SLC25A48: variants seen among roughly 807,000 people sequenced by gnomAD.
SLC25A48 encodes the protein solute carrier family 25 member 48.
SLC25A48 carries 29 observed loss-of-function variants against 32.2 expected under a neutral mutation model. That is an observed-to-expected ratio of 0.90 (90% CI 0.67 to 1.23). The LOEUF is 1.23. Ranked by LOEUF, SLC25A48 falls within the 50% of genes most tolerant of loss-of-function variation. The pLI is 0.00. For missense variants in SLC25A48, 399 were observed against 422.7 expected, an observed-to-expected ratio of 0.94 and a Z score of 0.49; for synonymous variants, 164 against 172.3, an observed-to-expected ratio of 0.95 and a Z score of 0.38.
intron 1 of SLC25A48, among the ~76,000 whole-genome samples, chr5:135,628,805 T>C (rs1156850337): frequency 6.6e-6 from 1 of 152,088 alleles, no homozygotes; most frequent in South Asian, 2.1e-4. Context: ...CTCCCTCCTA[T>C]TTTGGAGGGA....
At chr5:135,622,683 A>G (rs1345083256) in intron 1 of SLC25A48, among the ~76,000 whole-genome samples, 2 of 152,248 alleles carry the variant, frequency 1.3e-5, no homozygotes, top group Non-Finnish European at 2.9e-5. Context: ...TTACATCAGG[A>G]TGATTAGATT....
rs10479108 is a variant in SLC25A48, at chr5:135,844,001, T to A, written c.90+1542T>A. Among the ~76,000 whole-genome samples the A allele has an allele frequency of 4.4e-3, 675 of 152,288 alleles. 2 individuals carry two copies. Among genetic ancestry groups the A allele is most frequent in the African/African-American group, 0.016 (651 of 41,560 alleles). ...TAGCATATCACGGCTGAGCCATTGCTGCCCAGAGTTAGGGCCCATGTCTGG... is the reference window on the plus strand; with the variant it reads ...TAGCATATCACGGCTGAGCCATTGCAGCCCAGAGTTAGGGCCCATGTCTGG... On this transcript the variant is annotated intron_variant, in intron 2 of 7. Transcript: ENST00000681962.
At chr5:135,766,638 A>C (rs1756239345) in intron 3 of SLC25A48, among the ~76,000 whole-genome samples, 1 of 147,920 alleles carries the variant, frequency 6.8e-6, no homozygotes, top group Non-Finnish European at 1.5e-5. Context: ...GGTTCATAAT[A>C]TCCATGGGGG....
chr5:135,828,665 T>C (rs1259739610), intron 4 of SLC25A48, among the ~76,000 whole-genome samples: 4 of 152,200 alleles, frequency 2.6e-5, no homozygotes, highest in Admixed American at 2.0e-4. Context: ...CCAGGTGAGA[T>C]ACAGCTAGCC....
chr5:135,882,528 A>G (rs1179918184), intron 7 of SLC25A48, among the ~76,000 whole-genome samples: 1 of 152,114 alleles, frequency 6.6e-6, no homozygotes, highest in Non-Finnish European at 1.5e-5. Flanking sequence ...GGATGACTTG[A>G]GAATTGTTTC....
At chr5:135,630,774 G>A (rs1045883884) in intron 2 of SLC25A48, among the ~76,000 whole-genome samples, 3 of 151,704 alleles carry the variant, frequency 2.0e-5, no homozygotes, top group Middle Eastern at 3.2e-3. Context: ...GCTAATTTTT[G>A]TATTATTAGC....
intron 1 of SLC25A48, among the ~76,000 whole-genome samples, chr5:135,594,398 G>T (rs1200350752): frequency 6.6e-6 from 1 of 152,212 alleles, no homozygotes; most frequent in Non-Finnish European, 1.5e-5. Context: ...GCGTGATGTG[G>T]TGGAAAGTCT....
intron 4 of SLC25A48, among the ~76,000 whole-genome samples, chr5:135,822,756 G>A (rs1415590795): frequency 6.6e-6 from 1 of 152,304 alleles, no homozygotes; most frequent in African/African-American, 2.4e-5. Context: ...ATAATTCACA[G>A]CGAACAGAGC....
At chr5:135,839,648 A>T (rs1297602069) in intron 1 of SLC25A48, among the ~76,000 whole-genome samples, 25 of 152,080 alleles carry the variant, frequency 1.6e-4, no homozygotes, top group Non-Finnish European at 1.5e-5. Context: ...GAGATTTGGG[A>T]GGGGCCAGGA....
intron 3 of SLC25A48, among the ~76,000 whole-genome samples, chr5:135,702,950 C>T (rs759910824): frequency 2.6e-5 from 4 of 152,166 alleles, no homozygotes; most frequent in Non-Finnish European, 5.9e-5. Context: ...AAAACACCTT[C>T]TTTTTGAGTG....
intron 4 of SLC25A48, chr5:135,825,054 T>C (rs554808735): frequency 6.6e-6 from 1 of 152,172 alleles, no homozygotes; most frequent in Non-Finnish European, 1.5e-5. Context: ...GTGGTTTCCT[T>C]ATAAAAGAGA....
intron 3 of SLC25A48, among the ~76,000 whole-genome samples, chr5:135,655,192 G>A (rs1309452248): frequency 6.6e-6 from 1 of 152,140 alleles, no homozygotes; most frequent in Non-Finnish European, 1.5e-5. Flanking sequence ...AACTTCAGGG[G>A]AAGATTCCAA....
At chr5:135,874,432 G>C (rs1207264937) in intron 6 of SLC25A48, among the ~76,000 whole-genome samples, 2 of 152,176 alleles carry the variant, frequency 1.3e-5, no homozygotes, top group Admixed American at 6.5e-5. Context: ...GCCTGGGCCT[G>C]GTCCATTTCT....
intron 1 of SLC25A48, among the ~76,000 whole-genome samples, chr5:135,582,364 C>A (rs1322995517): frequency 6.6e-6 from 1 of 152,034 alleles, no homozygotes; most frequent in African/African-American, 2.4e-5. Flanking sequence ...CCACAGAGAT[C>A]AGTGTGAAAC....
chr5:135,772,215 C>T (rs1756431702), intron 3 of SLC25A48, among the ~76,000 whole-genome samples: 2 of 151,352 alleles, frequency 1.3e-5, no homozygotes, highest in East Asian at 1.9e-4. Flanking sequence ...CTCCCAATAT[C>T]GCAGGGAGGT....
intron 3 of SLC25A48, among the ~76,000 whole-genome samples, chr5:135,669,472 C>A (rs972149324): frequency 6.6e-6 from 1 of 152,130 alleles, no homozygotes; most frequent in Non-Finnish European, 1.5e-5. Context: ...AGCAGAAATA[C>A]ATAATCTAGC....
intron 3 of SLC25A48, among the ~76,000 whole-genome samples, chr5:135,646,398 A>G (rs1752959637): frequency 6.6e-6 from 1 of 152,068 alleles, no homozygotes; most frequent in Admixed American, 6.6e-5. Context: ...GAGGTTGTAT[A>G]GGTGGCTGCC....
At chr5:135,851,197 T>A (rs1486595880) in intron 3 of SLC25A48, among the ~76,000 whole-genome samples, 2 of 152,176 alleles carry the variant, frequency 1.3e-5, no homozygotes, top group Non-Finnish European at 2.9e-5. Flanking sequence ...CCGGACTCCA[T>A]CCTAACAAGT....
intron 3 of SLC25A48, among the ~76,000 whole-genome samples, chr5:135,756,187 AT>A (rs1441422677): frequency 2.6e-5 from 4 of 152,108 alleles, no homozygotes; most frequent in Admixed American, 1.3e-4. Context: ...TCATCTAGAT[AT>A]TTATAATATC....
Sources: allele counts gnomAD v4.1 joint callset (sites outside exome capture counted in the v4.1 genomes callset), GRCh38; gene constraint gnomAD v4.1.1; transcripts MANE v1.5; gene names NCBI Gene and HGNC (gene_info 2026-07-23, HGNC 2026-07-21).